The following ERBB4 variants were observed in gnomAD, a reference collection of about 807,000 sequenced individuals.
ERBB4 encodes receptor tyrosine-protein kinase erbB-4.
In ERBB4, 42 loss-of-function variants were observed where a neutral mutation model predicts 158.0. The observed-to-expected ratio is 0.27, with a 90% CI of 0.21 to 0.34. The LOEUF (loss-of-function observed/expected upper bound fraction) is 0.34, where lower values mean the gene tolerates loss of function less well. Among genes scored for constraint, ERBB4 ranks in the 10% least tolerant of loss-of-function variants. The pLI is 1.00. For synonymous variants in ERBB4, 583 were observed against 558.7 expected, an observed-to-expected ratio of 1.04 and a Z score of -0.61; for missense variants, 1,333 against 1,624.1, an observed-to-expected ratio of 0.82 and a Z score of 3.08.
At chr2:212,199,254 T>C (rs2082522404) in intron 1 of ERBB4, among the ~76,000 whole-genome samples, 1 of 152,218 alleles carries the variant, frequency 6.6e-6, no homozygotes, top group Non-Finnish European at 1.5e-5. Context: ...GTACTTTGAC[T>C]TCTGTTTACT....
chr2:212,038,988 C>T (rs1163171990), intron 2 of ERBB4, among the ~76,000 whole-genome samples: 1 of 152,052 alleles, frequency 6.6e-6, no homozygotes, highest in African/African-American at 2.4e-5. Flanking sequence ...AGGCATCTGG[C>T]AAATTGGTGG....
intron 12 of ERBB4, 79 bp from the exon 13 acceptor site, chr2:211,679,263 C>A: frequency 1.3e-6 from 2 of 1,511,968 alleles, no homozygotes; most frequent in East Asian, 2.3e-5. Context: ...AATGCTATTT[C>A]TAAAGGAGTT....
At position 211,584,866 on chromosome 2, in the gene ERBB4, T is replaced by C. The variant is rs534081513; in HGVS notation, c.2302-22778A>G. ...GTTTTCTTCCTCCTAATGTAATATA[T>C]ACAGGGATCCATTTATAATTTTCTT... is the stretch of plus-strand genomic sequence containing the variant. On this transcript the variant is annotated intron_variant, in intron 19 of 27. Coordinates refer to ENST00000342788, the MANE Select transcript of ERBB4 (RefSeq NM_005235.3). Among the ~76,000 whole-genome samples the C allele has an allele frequency of 1.7e-4, 26 of 152,096 alleles. No homozygotes were observed. The South Asian group carries it at 5.2e-3, about 30-fold the overall frequency.
At chr2:211,935,476 C>A (rs13396986) in intron 3 of ERBB4, among the ~76,000 whole-genome samples, 35 of 152,174 alleles carry the variant, frequency 2.3e-4, no homozygotes, top group African/African-American at 8.0e-4. Context: ...TCTTGCGGGA[C>A]ACCAATTTCA....
chr2:212,339,589 C>A (rs2088606256), intron 1 of ERBB4, among the ~76,000 whole-genome samples: 1 of 152,120 alleles, frequency 6.6e-6, no homozygotes, highest in Admixed American at 6.6e-5. Flanking sequence ...TAATTGTGTA[C>A]CTGACCAAGG....
At chr2:212,140,509 T>C (rs1029580359) in intron 1 of ERBB4, among the ~76,000 whole-genome samples, 14 of 144,784 alleles carry the variant, frequency 9.7e-5, no homozygotes, top group East Asian at 3.9e-4. Context: ...AAAGTATATT[T>C]CATTTTTAAA....
At chr2:211,991,031 T>C (rs903100157) in intron 2 of ERBB4, among the ~76,000 whole-genome samples, 1 of 151,978 alleles carries the variant, frequency 6.6e-6, no homozygotes, top group Non-Finnish European at 1.5e-5. Flanking sequence ...TAAAATATAC[T>C]ATGGTCAATA....
intron 1 of ERBB4, among the ~76,000 whole-genome samples, chr2:212,537,202 C>G (rs1253698349): frequency 6.6e-6 from 1 of 151,994 alleles, no homozygotes; most frequent in East Asian, 1.9e-4. Flanking sequence ...GTCAGAAGGA[C>G]ACCCTCCGGG....
At chr2:211,648,934 A>C (rs762932426) in intron 16 of ERBB4, among the ~76,000 whole-genome samples, 4 of 151,892 alleles carry the variant, frequency 2.6e-5, no homozygotes, top group Admixed American at 2.0e-4. Context: ...TTCTCATACG[A>C]AACCACAACT....
chr2:212,202,811 T>C (rs991161484), intron 1 of ERBB4, among the ~76,000 whole-genome samples: 2 of 152,062 alleles, frequency 1.3e-5, no homozygotes, highest in African/African-American at 4.8e-5. Context: ...GGAGCAACCA[T>C]ATGTTTTTTA....
chr2:211,849,194 T>C (rs1327759006), intron 3 of ERBB4, among the ~76,000 whole-genome samples: 1 of 152,008 alleles, frequency 6.6e-6, no homozygotes, highest in Non-Finnish European at 1.5e-5. Flanking sequence ...GACTAGATAG[T>C]TCTGCTTTAT....
At chr2:211,952,046 T>A (rs2080888032) in intron 2 of ERBB4, among the ~76,000 whole-genome samples, 1 of 152,032 alleles carries the variant, frequency 6.6e-6, no homozygotes, top group Non-Finnish European at 1.5e-5. Flanking sequence ...CCAAGATGTG[T>A]TGCTCTAATC....
chr2:211,381,308 T>TGAA lies in ERBB4; in HGVS notation c.*2304_*2306dup. The TGAA allele has an allele frequency of 4.3e-6, 1 of 232,406 alleles. No homozygotes were observed. The highest frequency in any genetic ancestry group is 1.8e-4 in the South Asian group (1 of 5,520). The allele number at this position is 232,406 out of a possible 1,614,324, so 14.4% of individuals were successfully genotyped here. On this transcript the variant is annotated 3_prime_UTR_variant, in exon 28 of 28. Transcript: ENST00000342788. Reference sequence around the variant, plus strand: ...CCACCATCTGCTTTTGGTTTAATGGTGAAGTTAGACTCTAGATAGGCTAAT... The same window carrying TGAA: ...CCACCATCTGCTTTTGGTTTAATGGTGAAGAAGTTAGACTCTAGATAGGCTAAT...
chr2:211,609,745 G>C (rs971154014), intron 19 of ERBB4, among the ~76,000 whole-genome samples: 1 of 152,076 alleles, frequency 6.6e-6, no homozygotes, highest in African/African-American at 2.4e-5. Flanking sequence ...CTATTAATTT[G>C]CATCATGTCA....
chr2:212,058,488 A>G (rs1310613126), intron 2 of ERBB4, among the ~76,000 whole-genome samples: 6 of 152,228 alleles, frequency 3.9e-5, no homozygotes, highest in Non-Finnish European at 8.8e-5. Context: ...AAACAACAAA[A>G]AAAGAGAATT....
At chr2:211,679,677 C>T (rs556840538) in intron 12 of ERBB4, among the ~76,000 whole-genome samples, 1 of 4,446 alleles carries the variant, frequency 2.2e-4, no homozygotes, top group Non-Finnish European at 6.6e-4. Context: ...AAATAAAACA[C>T]AAGTTTTCTC....
At chr2:211,714,601 G>A (rs927633536) in intron 7 of ERBB4, among the ~76,000 whole-genome samples, 18 of 152,306 alleles carry the variant, frequency 1.2e-4, no homozygotes, top group African/African-American at 4.3e-4. Context: ...AATCACAACA[G>A]AGACTTCTAG....
rs193136578 is a variant in ERBB4 at position 211,540,426 on chromosome 2, A to T, written c.2487+21477T>A. Reference sequence around the variant, plus strand: ...TAGATGTTTTAAGTTCCATGAAAGCATCCAGGAGGGGGAACGACACCTGAT... The same window carrying T: ...TAGATGTTTTAAGTTCCATGAAAGCTTCCAGGAGGGGGAACGACACCTGAT... On this transcript the variant is annotated intron_variant, in intron 20 of 27. Transcript: ENST00000342788. 8.5e-5 allele frequency among the ~76,000 whole-genome samples: 13 copies of T among 152,100 alleles called. No homozygotes were observed. The East Asian group carries it at 2.3e-3, about 27-fold the overall frequency.
chr2:211,632,075 C>A (rs1480151287), intron 16 of ERBB4, among the ~76,000 whole-genome samples: 5 of 151,936 alleles, frequency 3.3e-5, no homozygotes, highest in Non-Finnish European at 7.4e-5. Context: ...TATAAAACTG[C>A]AGAAAAATCT....
Sources: gnomAD v4.1 joint callset for allele counts (sites outside exome capture counted in the v4.1 genomes callset) on GRCh38, gnomAD v4.1.1 for gene constraint, MANE v1.5 for transcripts, NCBI Gene and HGNC (gene_info 2026-07-23, HGNC 2026-07-21) for gene names.